The following GPC6 variants were observed in gnomAD, a reference collection of about 807,000 sequenced individuals.
GPC6 encodes glypican 6, also known as glypican-6.
GPC6 carries 14 observed loss-of-function variants against 55.2 expected under a neutral mutation model. The observed-to-expected ratio is 0.25, with a 90% CI of 0.17 to 0.40. The LOEUF (loss-of-function observed/expected upper bound fraction) is 0.40, where lower values mean the gene tolerates loss of function less well. Ranked by LOEUF, GPC6 falls within the 10% of genes least tolerant of loss-of-function variation. The pLI is 1.00. For missense variants in GPC6, 641 were observed against 708.5 expected (o/e 0.90, Z 1.08); for synonymous variants, 278 against 259.6 (o/e 1.07, Z -0.68).
chr13:93,665,727 C>T (rs1206919807), intron 2 of GPC6, among the ~76,000 whole-genome samples: 4 of 152,060 alleles, frequency 2.6e-5, no homozygotes, highest in Non-Finnish European at 5.9e-5. Flanking sequence ...CATAGTCTGT[C>T]GTTTTTGAGT....
intron 7 of GPC6, among the ~76,000 whole-genome samples, chr13:94,392,898 C>T (rs1381089525): frequency 1.3e-5 from 2 of 151,884 alleles, no homozygotes; most frequent in African/African-American, 2.4e-5. Flanking sequence ...TAGGTGTGAG[C>T]CACTGCACCC....
At chr13:93,952,820 C>T (rs936643840) in intron 3 of GPC6, among the ~76,000 whole-genome samples, 6 of 145,338 alleles carry the variant, frequency 4.1e-5, no homozygotes, top group African/African-American at 1.5e-4. Context: ...CACACACACA[C>T]ATATATATAC....
chr13:93,587,440 A>T, intron 2 of GPC6, among the ~76,000 whole-genome samples: 1 of 152,174 alleles, frequency 6.6e-6, no homozygotes. Flanking sequence ...TGAAGGATTA[A>T]AAAGACAAAC....
At position 93,426,924 on chromosome 13, in the gene GPC6, G is replaced by C. The variant is rs773511699; in HGVS notation, c.161-118339G>C. On this transcript the variant is annotated intron_variant, in intron 1 of 8. Coordinates refer to ENST00000377047, the MANE Select transcript of GPC6 (RefSeq NM_005708.5). ...GTTGTTTCCTGACATTTTAATGATT[G>C]CCATTCTAACTGGTGTGAGATGGTA... Among the ~76,000 whole-genome samples, 141 of 147,926 alleles carry C rather than the reference G, an allele frequency of 9.5e-4. 1 individual carries two copies. The highest frequency in any genetic ancestry group is 1.7e-3 in the Non-Finnish European group (115 of 67,026).
At chr13:93,220,707 T>G in the GPC6 span, among the ~76,000 whole-genome samples, 1 of 152,174 alleles carries the variant, frequency 6.6e-6, no homozygotes, top group African/African-American at 2.4e-5. Context: ...GTAGTACATT[T>G]GTCAAGATTG....
chr13:93,345,481 GA>G (rs34419463), intron 1 of GPC6, among the ~76,000 whole-genome samples: 2 of 150,800 alleles, frequency 1.3e-5, no homozygotes, highest in Admixed American at 6.6e-5. Flanking sequence ...CAAACACATG[GA>G]AAAAAACTCT....
At chr13:94,210,683 A>G (rs1335854639) in intron 4 of GPC6, among the ~76,000 whole-genome samples, 1 of 152,230 alleles carries the variant, frequency 6.6e-6, no homozygotes, top group Non-Finnish European at 1.5e-5. Flanking sequence ...CTAAGCTTTC[A>G]TCTTAAAGTT....
rs1401371941 is a variant in GPC6, at chr13:94,403,015, G to C, written c.1466G>C (p.Ser489Thr). The C allele has an allele frequency of 1.9e-6, 3 of 1,604,354 alleles. No homozygotes were observed. The highest frequency in any genetic ancestry group is 2.7e-5 in the African/African-American group (2 of 74,878). The change falls in exon 9 of 9, where the codon AGT (serine) becomes ACT (threonine). Residue 489 changes from serine (S) to threonine (T), a missense_variant and splice_region_variant. By Grantham distance (58) the Ser-to-Thr change is moderately conservative. Coordinates refer to ENST00000377047, the MANE Select transcript of GPC6 (RefSeq NM_005708.5). ...TTCTTTTTCAATCTTTCCACACTAG[G>C]TGATGAATCCAGTGGCTCAGGGAGT... ...NGNDVNFQDT[S>T]DESSGSGSGS...
intron 8 of GPC6, among the ~76,000 whole-genome samples, chr13:94,402,612 G>A (rs186301754): frequency 6.6e-5 from 10 of 152,202 alleles, no homozygotes; most frequent in South Asian, 2.1e-4. Flanking sequence ...GTATTAGTCC[G>A]TTTTCATACT....
In GPC6 at chr13:94,403,832, C is replaced by T. The variant is rs991825352; in HGVS notation, c.*615C>T. On this transcript the variant is annotated 3_prime_UTR_variant, in exon 9 of 9. Coordinates refer to ENST00000377047, the MANE Select transcript of GPC6 (RefSeq NM_005708.5). ...ATCTTGCACTCTAACCAAACAACACCAAATTAATCTGGAGGTACTGATACT... is the reference window on the plus strand; with the variant it reads ...ATCTTGCACTCTAACCAAACAACACTAAATTAATCTGGAGGTACTGATACT... 6.2e-6 allele frequency: 1 copy of T among 160,822 alleles called. No individual in the cohort carries two copies. Among genetic ancestry groups the T allele is most frequent in the African/African-American group, 2.4e-5 (1 of 41,442 alleles). The allele number at this position is 160,822 out of a possible 1,614,324, so 10.0% of individuals were successfully genotyped here.
At chr13:94,028,303 A>G (rs945520424) in intron 4 of GPC6, among the ~76,000 whole-genome samples, 17 of 152,008 alleles carry the variant, frequency 1.1e-4, no homozygotes, top group Admixed American at 1.0e-3. Context: ...AGAGACTAGG[A>G]TGGTTTTTAA....
At chr13:94,275,327 G>A (rs116165921) in intron 4 of GPC6, among the ~76,000 whole-genome samples, 2 of 152,138 alleles carry the variant, frequency 1.3e-5, no homozygotes, top group Non-Finnish European at 2.9e-5. Flanking sequence ...AGGGTTGTTA[G>A]AGAAAGCTTT....
chr13:93,287,927 T>C (rs1878190321), intron 1 of GPC6, among the ~76,000 whole-genome samples: 1 of 152,200 alleles, frequency 6.6e-6, no homozygotes, highest in African/African-American at 2.4e-5. Context: ...TGTTTAATAA[T>C]AGCAAGTGGA....
intron 1 of GPC6, among the ~76,000 whole-genome samples, chr13:93,279,884 T>A (rs1005017903): frequency 6.6e-6 from 1 of 152,234 alleles, no homozygotes; most frequent in Non-Finnish European, 1.5e-5. Context: ...TGTCATAGTA[T>A]CTTAAATGAA....
chr13:93,504,858 G>A (rs1312013230), intron 1 of GPC6, among the ~76,000 whole-genome samples: 1 of 152,164 alleles, frequency 6.6e-6, no homozygotes, highest in East Asian at 1.9e-4. Context: ...CATCAGAAAG[G>A]TAAAGTTATT....
At chr13:93,571,485 T>G (rs1034197072) in intron 2 of GPC6, among the ~76,000 whole-genome samples, 5 of 152,188 alleles carry the variant, frequency 3.3e-5, no homozygotes, top group Non-Finnish European at 7.3e-5. Flanking sequence ...TTTATGCCTC[T>G]TACAAATTTA....
intron 4 of GPC6, among the ~76,000 whole-genome samples, chr13:94,126,765 G>A (rs1006361646): frequency 4.6e-5 from 7 of 152,054 alleles, no homozygotes; most frequent in South Asian, 2.1e-4. Flanking sequence ...TGTGTATATT[G>A]ATAACATAAG....
chr13:93,520,999 A>G (rs1881398658), intron 1 of GPC6, among the ~76,000 whole-genome samples: 1 of 152,110 alleles, frequency 6.6e-6, no homozygotes, highest in Admixed American at 6.6e-5. Flanking sequence ...TACATTTAAA[A>G]TATAAGAACT....
intron 6 of GPC6, among the ~76,000 whole-genome samples, chr13:94,371,801 T>C (rs966426130): frequency 1.1e-4 from 17 of 152,190 alleles, no homozygotes; most frequent in African/African-American, 3.9e-4. Context: ...GGTTGACTAT[T>C]TTGCTATTTT....
Sources: allele counts gnomAD v4.1 joint callset (sites outside exome capture counted in the v4.1 genomes callset), GRCh38; gene constraint gnomAD v4.1.1; transcripts MANE v1.5; gene names NCBI Gene and HGNC (gene_info 2026-07-23, HGNC 2026-07-21).